The following LYST variants were observed in gnomAD, a reference collection of about 807,000 sequenced individuals.
LYST encodes the protein lysosomal trafficking regulator, also known as lysosomal-trafficking regulator.
Under a neutral mutation model 413.6 loss-of-function variants are expected in LYST, and 192 were observed. The ratio of observed to expected loss-of-function variants is 0.46; its 90% CI spans 0.41 to 0.52. The LOEUF (loss-of-function observed/expected upper bound fraction) is 0.52. Among genes scored for constraint, LYST ranks in the 20% least tolerant of loss-of-function variants. The pLI, the probability that LYST is intolerant of heterozygous loss-of-function variation, is 0.00. For synonymous variants in LYST, 1,525 were observed against 1,567.3 expected (o/e 0.97, Z 0.64); for missense variants, 3,815 against 4,499.9 (o/e 0.85, Z 4.35).
At chr1:235,767,186 T>C (rs527492630) in intron 20 of LYST, among the ~76,000 whole-genome samples, 1 of 152,244 alleles carries the variant, frequency 6.6e-6, no homozygotes, top group South Asian at 2.1e-4. Flanking sequence ...GGGTAGCAGC[T>C]GGCCTCCAGA....
chr1:235,737,971 C>G, intron 31 of LYST: 1 of 1,370,902 alleles, frequency 7.3e-7, no homozygotes, highest in Non-Finnish European at 9.5e-7. Context: ...ATTCTCGATT[C>G]CTTTTGTTTC....
intron 1 of LYST, among the ~76,000 whole-genome samples, chr1:235,874,675 T>C (rs1246696344): frequency 6.6e-6 from 1 of 152,238 alleles, no homozygotes; most frequent in Non-Finnish European, 1.5e-5. Flanking sequence ...CTTCCTACTT[T>C]TGGAGAATTT....
At chr1:235,672,851 C>A (rs2103026621) in intron 50 of LYST, among the ~76,000 whole-genome samples, 1 of 152,236 alleles carries the variant, frequency 6.6e-6, no homozygotes. Context: ...TACTGACCTC[C>A]CAACATTTGA....
chr1:235,877,405 C>T (rs936857221), intron 1 of LYST, among the ~76,000 whole-genome samples: 1 of 152,132 alleles, frequency 6.6e-6, no homozygotes, highest in Non-Finnish European at 1.5e-5. Context: ...TTATGGTCAA[C>T]TTTGTTGTTG....
At chr1:235,868,986 C>T (rs575211637), upstream of LYST, among the ~76,000 whole-genome samples, 24 of 152,208 alleles carry the variant, frequency 1.6e-4, no homozygotes, top group East Asian at 4.1e-3. Context: ...TGAGACACCG[C>T]TCCTGGCCTC....
At position 235,709,275 on chromosome 1, in the gene LYST, C is replaced by T. The variant is rs768407081; in HGVS notation, c.9959G>A (p.Arg3320Gln). The T allele has an allele frequency of 5.6e-6, 9 of 1,613,842 alleles. No homozygotes were observed. Among genetic ancestry groups the T allele is most frequent in the South Asian group, 1.1e-5 (1 of 91,066 alleles). ...FDFGVRQNGE[R>Q]VNHVNLPPWA... ...AGGGGGAAGGTTGACGTGATTAACCCGTTCACCATTCTGACGCACACCAAA... is the reference window on the plus strand; with the variant it reads ...AGGGGGAAGGTTGACGTGATTAACCTGTTCACCATTCTGACGCACACCAAA... The change falls in exon 44 of 53, where the codon CGG becomes CAG. Residue 3320 changes from arginine to glutamine, a missense_variant. Arg to Gln is a conservative substitution (Grantham distance 43). This residue lies in a region of LYST where 866 missense variants were observed against 1,156.0 expected (regional missense o/e 0.75). Coordinates refer to ENST00000389793, the MANE Select transcript of LYST (RefSeq NM_000081.4).
Position 235,681,393 on chromosome 1 carries a change from G to A in LYST, c.10801-3774C>T, listed in dbSNP as rs150173139. Among the ~76,000 whole-genome samples the A allele has an allele frequency of 3.2e-3, 492 of 152,262 alleles. 2 individuals are homozygous for A. Among genetic ancestry groups the A allele is most frequent in the Non-Finnish European group, 4.7e-3 (320 of 68,020 alleles). ...GAGAGGGGTCAGAGCACGGGGCCTG[G>A]TGTGTGATGCCTAGCAACCTACATT... On this transcript the variant is annotated intron_variant, in intron 48 of 52. Transcript: ENST00000389793.
intron 1 of LYST, among the ~76,000 whole-genome samples, chr1:235,860,039 C>T (rs1471961217): frequency 6.6e-6 from 1 of 152,036 alleles, no homozygotes; most frequent in Non-Finnish European, 1.5e-5. Context: ...GCAAGCTGGT[C>T]TATAGTTTTT....
chr1:235,783,793 ACAACTAAT>A (rs1476625576), intron 14 of LYST, among the ~76,000 whole-genome samples: 1 of 152,190 alleles, frequency 6.6e-6, no homozygotes, highest in African/African-American at 2.4e-5. Context: ...GCTGTTAATA[ACAACTAAT>A]AGAAAGTATT....
chr1:235,693,007 C>T (rs1040681080), intron 47 of LYST, among the ~76,000 whole-genome samples: 2 of 148,318 alleles, frequency 1.3e-5, no homozygotes, highest in South Asian at 2.1e-4. Flanking sequence ...GGCAACAGAG[C>T]GACACTCTAA....
At chr1:235,728,819 C>T (rs1296675389) in intron 37 of LYST, among the ~76,000 whole-genome samples, 1 of 152,158 alleles carries the variant, frequency 6.6e-6, no homozygotes, top group African/African-American at 2.4e-5. Context: ...TCCCAGCAGG[C>T]TTGAAGCTCC....
At chr1:235,677,798 C>T (rs1659501012) in intron 48 of LYST, among the ~76,000 whole-genome samples, 179 bp from the exon 49 acceptor site, 1 of 151,990 alleles carries the variant, frequency 6.6e-6, no homozygotes, top group Non-Finnish European at 1.5e-5. Flanking sequence ...TCATAATTTC[C>T]AGTTATCTGG....
At chr1:235,709,889 T>C (rs1002673803) in intron 43 of LYST, among the ~76,000 whole-genome samples, 2 of 150,350 alleles carry the variant, frequency 1.3e-5, no homozygotes, top group African/African-American at 2.5e-5. Flanking sequence ...TTCCTGTAGA[T>C]AGCAAAATTA....
At chr1:235,842,731 A>G (rs539229577) in intron 1 of LYST, among the ~76,000 whole-genome samples, 1 of 152,322 alleles carries the variant, frequency 6.6e-6, no homozygotes, top group African/African-American at 2.4e-5. Context: ...TACCTTCTGG[A>G]AATGAAATGG....
rs1037851865 is a variant in LYST, at chr1:235,661,483, T to A, written c.*1457A>T. ...ATTCACACCTGGCCTGAGCACACGG[T>A]GATCTAAATGCAGCCTAGGTATCAC... On this transcript the variant is annotated 3_prime_UTR_variant, in exon 53 of 53. Coordinates refer to ENST00000389793, the MANE Select transcript of LYST (RefSeq NM_000081.4). The A allele has an allele frequency of 6.6e-6, 1 of 152,308 alleles. No individual in the cohort carries two copies. The highest frequency in any genetic ancestry group is 2.4e-5 in the African/African-American group (1 of 41,454). The allele number at this position is 152,308 out of a possible 1,614,324, so 9.4% of individuals were successfully genotyped here. A position where few individuals can be genotyped will look rare whatever the true frequency, so the allele number is the denominator to read the frequency against.
At chr1:235,739,379 T>C (rs1306680163) in intron 31 of LYST, among the ~76,000 whole-genome samples, 1 of 152,222 alleles carries the variant, frequency 6.6e-6, no homozygotes, top group Non-Finnish European at 1.5e-5. Context: ...GGCTCCTTCA[T>C]TGAACATGTC....
At chr1:235,843,164 A>C (rs1677409587) in intron 1 of LYST, among the ~76,000 whole-genome samples, 2 of 150,942 alleles carry the variant, frequency 1.3e-5, no homozygotes. Context: ...TAAATATCAA[A>C]TAGCCAGTGG....
Position 235,809,700 on chromosome 1 carries a change from G to C in LYST, c.1118C>G (p.Pro373Arg). ...IRICLEKQPD[P>R]FAPRQKKTLQ... ...TGTTTTCTTTTGTCTTGGTGCAAAA[G>C]GGTCAGGCTGCTTTTCTAGGCATAT... is the stretch of plus-strand genomic sequence containing the variant. The change falls in exon 5 of 53, where the codon CCT becomes CGT. Residue 373 changes from proline to arginine, a missense_variant. By Grantham distance (103) the Pro-to-Arg change is moderately radical. Transcript: ENST00000389793. This position sits in a 1 kb window ranked among gnomAD's most constrained non-coding sequence, Gnocchi z 4.0. The C allele has an allele frequency of 6.2e-7, 1 of 1,613,554 alleles. No homozygotes were observed. The highest frequency in any genetic ancestry group is 8.5e-7 in the Non-Finnish European group (1 of 1,179,784).
In LYST at chr1:235,773,893, A is replaced by G; in HGVS notation, c.5733T>C (p.Val1911=). 1 of 1,611,086 alleles carries G rather than the reference A, an allele frequency of 6.2e-7. No homozygotes were observed. Among genetic ancestry groups the G allele is most frequent in the South Asian group, 1.1e-5 (1 of 91,016 alleles). The change falls in exon 19 of 53, where the codon GTT becomes GTC. Residue 1911 remains valine, a synonymous_variant. Coordinates refer to ENST00000389793, the MANE Select transcript of LYST (RefSeq NM_000081.4). The part of the protein sequence containing the change: ...DVDSNAIIQD[V]KLLEELLLDW... ...CAAGCAATAGTTCCTCTAACAGCTT[A>G]ACATCTTGGATTATAGCATTAGAGT...
Sources: gnomAD v4.1 joint callset for allele counts (sites outside exome capture counted in the v4.1 genomes callset) on GRCh38, gnomAD v4.1.1 for gene constraint, gnomAD v4.1.1 regional missense constraint, Gnocchi (gnomAD v3.1) non-coding constraint, MANE v1.5 for transcripts, NCBI Gene and HGNC (gene_info 2026-07-23, HGNC 2026-07-21) for gene names.